KMT2C: variants seen among roughly 807,000 people sequenced by gnomAD.
KMT2C encodes histone-lysine N-methyltransferase 2C.
In KMT2C, 88 loss-of-function variants were observed where a neutral mutation model predicts 507.9. That is an observed-to-expected ratio of 0.17 (90% CI 0.15 to 0.21). KMT2C has a LOEUF of 0.21. Ranked by LOEUF, KMT2C falls within the 10% of genes least tolerant of loss-of-function variation. The pLI is 1.00. For synonymous variants in KMT2C, 2,049 were observed against 2,080.8 expected (o/e 0.98, Z 0.42); for missense variants, 4,954 against 5,957.8 (o/e 0.83, Z 5.55).
intron 23 of KMT2C, among the ~76,000 whole-genome samples, chr7:152,208,827 T>C (rs1048254553): frequency 2.0e-5 from 3 of 152,216 alleles, no homozygotes; most frequent in Non-Finnish European, 2.9e-5. Context: ...GCCAATTCCA[T>C]AACAATCTGA....
chr7:152,408,295 GAAA>G (rs33974798), intron 1 of KMT2C, among the ~76,000 whole-genome samples: 114 of 135,762 alleles, frequency 8.4e-4, no homozygotes, highest in African/African-American at 9.2e-4. Context: ...CTCAAAAAAA[GAAA>G]AAAAAAAATA....
chr7:152,156,861 A>C (rs940736680), intron 44 of KMT2C, among the ~76,000 whole-genome samples: 5 of 152,168 alleles, frequency 3.3e-5, no homozygotes, highest in African/African-American at 1.2e-4. Flanking sequence ...TAATGCTACT[A>C]CTAAAGTAAC....
chr7:152,278,376 G>T (rs927249893), intron 6 of KMT2C, among the ~76,000 whole-genome samples: 1 of 152,068 alleles, frequency 6.6e-6, no homozygotes. Context: ...TGCCCCGCAG[G>T]TTCAAGCGAT....
intron 1 of KMT2C, among the ~76,000 whole-genome samples, chr7:152,382,117 T>C (rs1190086584): frequency 6.6e-6 from 1 of 152,278 alleles, no homozygotes; most frequent in Non-Finnish European, 1.5e-5. Flanking sequence ...AACTCTTTTT[T>C]CCACTGCTCT....
At chr7:152,250,134 T>TA (rs1554579356) in intron 12 of KMT2C, among the ~76,000 whole-genome samples, 181 bp from the exon 13 acceptor site, 1 of 152,194 alleles carries the variant, frequency 6.6e-6, no homozygotes, top group Admixed American at 6.5e-5. Context: ...TGCACTATGG[T>TA]AAAAATTTTT....
At chr7:152,215,407 G>A (rs899435089) in intron 23 of KMT2C, among the ~76,000 whole-genome samples, 5 of 150,802 alleles carry the variant, frequency 3.3e-5, no homozygotes, top group African/African-American at 9.8e-5. Context: ...CCAGCTACTC[G>A]GGAGGCTGAG....
intron 3 of KMT2C, among the ~76,000 whole-genome samples, chr7:152,319,759 T>C (rs796298585): frequency 6.6e-6 from 1 of 152,122 alleles, no homozygotes; most frequent in South Asian, 2.1e-4. Flanking sequence ...TAGATAGCAG[T>C]AGAAAATTAG....
At position 152,176,294 on chromosome 7, in the gene KMT2C, T is replaced by C. The variant is rs559730393; in HGVS notation, c.9159A>G (p.Leu3053=). 8.7e-6 allele frequency: 14 copies of C among 1,614,040 alleles called. No homozygotes were observed. Among genetic ancestry groups the C allele is most frequent in the Non-Finnish European group, 1.0e-5 (12 of 1,180,024 alleles). ...CTTGATCCAAAAGATCCTGTAGAAG[T>C]AGAGGCTGTTCTTCTAGAAGAAGGG... ...ERPLLLEEQP[L]LLQDLLDQER... Residue 3053 remains leucine, a synonymous_variant, in exon 38 of 59, where the codon CTA becomes CTG. Transcript: ENST00000262189.
chr7:152,360,085 G>C (rs1292321582), intron 1 of KMT2C, among the ~76,000 whole-genome samples: 1 of 86,706 alleles, frequency 1.2e-5, no homozygotes, highest in Non-Finnish European at 2.1e-5. Context: ...GGGGGGGGGG[G>C]ACAATATGAA....
At chr7:152,297,405 C>T (rs2096526640) in intron 6 of KMT2C, among the ~76,000 whole-genome samples, 3 of 152,126 alleles carry the variant, frequency 2.0e-5, no homozygotes, top group Admixed American at 2.0e-4. Flanking sequence ...GATCTTCTCT[C>T]AAGCATTCAC....
intron 1 of KMT2C, among the ~76,000 whole-genome samples, chr7:152,415,952 CT>C (rs869249874): frequency 2.0e-5 from 3 of 150,416 alleles, no homozygotes; most frequent in African/African-American, 4.9e-5. Flanking sequence ...CTTAGAACTA[CT>C]TTTTTTCTGT....
chr7:152,185,800 T>C (rs1305094793), intron 33 of KMT2C, among the ~76,000 whole-genome samples, 169 bp from the exon 34 acceptor site: 6 of 152,358 alleles, frequency 3.9e-5, no homozygotes, highest in East Asian at 3.9e-4. Context: ...TGGCACACTG[T>C]AGGCCAAACA....
intron 1 of KMT2C, among the ~76,000 whole-genome samples, chr7:152,407,967 T>C (rs1008838112): frequency 3.3e-5 from 5 of 152,306 alleles, no homozygotes; most frequent in African/African-American, 1.2e-4. Flanking sequence ...AACATATACT[T>C]CAGTATTATT....
intron 9 of KMT2C, among the ~76,000 whole-genome samples, chr7:152,255,125 A>ATG (rs1554583763): frequency 2.5e-5 from 3 of 119,838 alleles, no homozygotes; most frequent in Non-Finnish European, 5.0e-5. Flanking sequence ...ATATATATAT[A>ATG]TATATATATA....
intron 1 of KMT2C, among the ~76,000 whole-genome samples, chr7:152,387,235 C>T (rs557667796): frequency 1.3e-5 from 2 of 151,394 alleles, no homozygotes; most frequent in African/African-American, 4.8e-5. Flanking sequence ...AAATATACAA[C>T]TTCTATTTGG....
At chr7:152,224,414 G>C in intron 19 of KMT2C, 21 bp downstream of exon 19, 1 of 1,598,040 alleles carries the variant, frequency 6.3e-7, no homozygotes, top group Non-Finnish European at 8.6e-7. Flanking sequence ...AGACTAACAA[G>C]GCAAACAAAC....
Position 152,224,148 on chromosome 7 carries a change from A to G in KMT2C, c.3190T>C (p.Ser1064Pro). 1 of 1,609,362 alleles carries G rather than the reference A, an allele frequency of 6.2e-7. No homozygotes were observed. The highest frequency in any genetic ancestry group is 8.5e-7 in the Non-Finnish European group (1 of 1,177,688). ...TGCCATTCACATCTTAGACCTGCAG[A>G]TGTTGCTCCACAGTGTCTGCACCAA... ...CVWCRHCGAT[S>P]AGLRCEWQNN... is the part of the protein sequence containing the mutation. Residue 1064 changes from serine to proline, a missense_variant, in exon 20 of 59, where the codon TCT (serine) becomes CCT (proline). Physicochemically the swap from Ser to Pro is moderately conservative, Grantham distance 74. Transcript: ENST00000262189.
At chr7:152,386,507 A>T in intron 1 of KMT2C, among the ~76,000 whole-genome samples, 1 of 152,312 alleles carries the variant, frequency 6.6e-6, no homozygotes, top group East Asian at 1.9e-4. Flanking sequence ...TACATTTCCC[A>T]GCTTCCCTTT....
At chr7:152,179,123 C>T (rs1196636035) in intron 37 of KMT2C, among the ~76,000 whole-genome samples, 2 of 152,110 alleles carry the variant, frequency 1.3e-5, no homozygotes, top group East Asian at 3.9e-4. Context: ...CCTGAGTAGC[C>T]GCGAATACAG....
Sources: allele counts gnomAD v4.1 joint callset (sites outside exome capture counted in the v4.1 genomes callset), GRCh38; gene constraint gnomAD v4.1.1; transcripts MANE v1.5; gene names NCBI Gene and HGNC (gene_info 2026-07-23, HGNC 2026-07-21).